Variants in AP3B1 observed in about 807,000 individuals in gnomAD.
AP3B1 encodes AP-3 complex subunit beta-1.
In AP3B1, 61 loss-of-function variants were observed where a neutral mutation model predicts 132.5. That is an observed-to-expected ratio of 0.46 (90% CI 0.37 to 0.57). AP3B1 has a LOEUF of 0.57. Ranked by LOEUF, AP3B1 falls within the 20% of genes least tolerant of loss-of-function variation. The pLI is 0.00. For missense variants in AP3B1, 1,120 were observed against 1,289.4 expected, an observed-to-expected ratio of 0.87 and a Z score of 2.01; for synonymous variants, 388 against 438.3, an observed-to-expected ratio of 0.89 and a Z score of 1.43.
intron 23 of AP3B1, among the ~76,000 whole-genome samples, chr5:78,035,444 CTG>C (rs1439739656): frequency 2.0e-5 from 3 of 152,016 alleles, no homozygotes; most frequent in Admixed American, 1.3e-4. Flanking sequence ...ATTCAATAGA[CTG>C]TGACTATTCT....
chr5:78,135,306 T>C (rs1167226757), intron 15 of AP3B1, among the ~76,000 whole-genome samples: 2 of 152,116 alleles, frequency 1.3e-5, no homozygotes, highest in African/African-American at 4.8e-5. Flanking sequence ...TTCAAAAACA[T>C]GATATTAAGC....
chr5:78,216,639 T>C (rs991400152), intron 6 of AP3B1, among the ~76,000 whole-genome samples: 3 of 152,172 alleles, frequency 2.0e-5, no homozygotes, highest in East Asian at 1.9e-4. Context: ...AAAGCTCACA[T>C]TGTGTCAGTT....
intron 26 of AP3B1, among the ~76,000 whole-genome samples, chr5:78,006,958 T>C (rs953481519): frequency 1.3e-5 from 2 of 152,204 alleles, no homozygotes; most frequent in Non-Finnish European, 2.9e-5. Context: ...AAAAAAAGTT[T>C]CATTCTTCTT....
chr5:78,118,152 T>C (rs1009393791), intron 17 of AP3B1, among the ~76,000 whole-genome samples: 4 of 152,212 alleles, frequency 2.6e-5, no homozygotes, highest in African/African-American at 9.6e-5. Context: ...ATTTAATTAG[T>C]CTGGTGCACA....
At chr5:78,024,343 T>C (rs1019850852) in intron 24 of AP3B1, among the ~76,000 whole-genome samples, 2 of 152,136 alleles carry the variant, frequency 1.3e-5, no homozygotes, top group East Asian at 1.9e-4. Flanking sequence ...AACTGAGGTA[T>C]AGGCAAAAAC....
chr5:78,097,529 C>T (rs548775268), intron 21 of AP3B1, among the ~76,000 whole-genome samples: 2 of 109,920 alleles, frequency 1.8e-5, no homozygotes, highest in Non-Finnish European at 3.8e-5. Flanking sequence ...GCCCCCCGCC[C>T]GGCCAGCCGC....
At chr5:78,221,707 T>C (rs1267288120) in intron 6 of AP3B1, among the ~76,000 whole-genome samples, 1 of 151,504 alleles carries the variant, frequency 6.6e-6, no homozygotes, top group East Asian at 1.9e-4. Context: ...GAAGATCCAA[T>C]GTGCATAAAA....
At chr5:78,155,871 A>T (rs1378000837) in intron 14 of AP3B1, among the ~76,000 whole-genome samples, 2 of 152,158 alleles carry the variant, frequency 1.3e-5, no homozygotes, top group Non-Finnish European at 2.9e-5. Flanking sequence ...TATCTCAATT[A>T]AAAAAACAAA....
chr5:78,226,213 G>A (rs4256328), intron 5 of AP3B1, among the ~76,000 whole-genome samples: 50,696 of 151,872 alleles, frequency 0.33, 8,562 homozygotes, highest in Middle Eastern at 0.43. Flanking sequence ...GGACTTTTAA[G>A]CCGTTAGAGT....
intron 22 of AP3B1, among the ~76,000 whole-genome samples, chr5:78,053,678 C>CAAAAA (rs1166305470): frequency 1.3e-5 from 1 of 75,492 alleles, no homozygotes; most frequent in African/African-American, 5.9e-5. Flanking sequence ...GACTCCATCT[C>CAAAAA]AAAAAAAAAA....
rs1234654563 is a variant in AP3B1 at position 78,259,853 on chromosome 5, C to T, written c.204+7667G>A. Among the ~76,000 whole-genome samples the T allele has an allele frequency of 2.6e-5, 4 of 151,804 alleles. 1 individual carries two copies. The South Asian group carries it at 8.3e-4, about 32-fold the overall frequency. On this transcript the variant is annotated intron_variant, in intron 2 of 26. Coordinates refer to ENST00000255194, the MANE Select transcript of AP3B1 (RefSeq NM_003664.5). Reference sequence around the variant, plus strand: ...GGTGTGGTGGTGGGCGCCTGTAATCCCAGCTATTCAGGAGGCTGAGGCAGG... The same window carrying T: ...GGTGTGGTGGTGGGCGCCTGTAATCTCAGCTATTCAGGAGGCTGAGGCAGG...
At chr5:78,074,676 C>A (rs767470617) in intron 22 of AP3B1, among the ~76,000 whole-genome samples, 7 of 152,126 alleles carry the variant, frequency 4.6e-5, no homozygotes, top group Non-Finnish European at 1.0e-4. Context: ...TCACCGGGCA[C>A]GGTGGCTCAT....
intron 23 of AP3B1, 111 bp downstream of exon 23, chr5:78,038,932 C>T (rs932217351): frequency 3.1e-5 from 21 of 682,524 alleles, no homozygotes; most frequent in African/African-American, 2.4e-4. Context: ...ATTGTCAATA[C>T]AATCATATTC....
At chr5:78,087,592 T>C (rs1750317673) in intron 22 of AP3B1, 1 of 985,418 alleles carries the variant, frequency 1.0e-6, no homozygotes, top group Non-Finnish European at 1.2e-6. Context: ...GGAGTGAGTG[T>C]TGTGGTCCTG....
chr5:78,222,926 C>A (rs180853275), intron 6 of AP3B1, among the ~76,000 whole-genome samples: 1 of 152,022 alleles, frequency 6.6e-6, no homozygotes, highest in East Asian at 1.9e-4. Flanking sequence ...GCTAGCAATT[C>A]TGAAGCAATA....
chr5:78,095,440 A>G (rs376522627), intron 21 of AP3B1, among the ~76,000 whole-genome samples: 73 of 152,352 alleles, frequency 4.8e-4, no homozygotes, highest in Middle Eastern at 3.4e-3. Context: ...AACAAACTGC[A>G]TGCCATGGGC....
intron 1 of AP3B1, among the ~76,000 whole-genome samples, chr5:78,278,711 C>T (rs1428610313): frequency 6.6e-6 from 1 of 151,604 alleles, no homozygotes; most frequent in South Asian, 2.1e-4. Context: ...CAGAACATTA[C>T]CCATCTGTGG....
chr5:78,059,950 T>C (rs1748973254), intron 22 of AP3B1, among the ~76,000 whole-genome samples: 1 of 151,966 alleles, frequency 6.6e-6, no homozygotes, highest in Non-Finnish European at 1.5e-5. Context: ...AGACACTTGG[T>C]TGAAGAAATA....
chr5:78,003,093 G>T (rs760362235), intron 26 of AP3B1, 38 bp from the exon 27 acceptor site: 1 of 1,606,894 alleles, frequency 6.2e-7, no homozygotes, highest in Non-Finnish European at 8.5e-7. Flanking sequence ...ATCATAAGAT[G>T]GGGAGGGTAA....
Sources: allele counts gnomAD v4.1 joint callset (sites outside exome capture counted in the v4.1 genomes callset), GRCh38; gene constraint gnomAD v4.1.1; transcripts MANE v1.5; gene names NCBI Gene and HGNC (gene_info 2026-07-23, HGNC 2026-07-21).